PTPRM: variants seen among roughly 807,000 people sequenced by gnomAD.
PTPRM encodes receptor-type tyrosine-protein phosphatase mu.
In PTPRM, 47 loss-of-function variants were observed where a neutral mutation model predicts 186.7. That is an observed-to-expected ratio of 0.25 (90% CI 0.20 to 0.32). The LOEUF (loss-of-function observed/expected upper bound fraction) is 0.32, where lower values mean the gene tolerates loss of function less well. Among genes scored for constraint, PTPRM ranks in the 10% least tolerant of loss-of-function variants. The pLI, the probability that PTPRM is intolerant of heterozygous loss-of-function variation, is 1.00. For missense variants in PTPRM, 1,494 were observed against 1,865.0 expected (o/e 0.80, Z 3.66); for synonymous variants, 668 against 674.9 (o/e 0.99, Z 0.16).
At chr18:7,815,306 T>C (rs2145537644) in intron 2 of PTPRM, 1 of 152,370 alleles carries the variant, frequency 6.6e-6, no homozygotes, top group South Asian at 2.1e-4. Context: ...TCTGCCGCAG[T>C]ACCCGAATAA....
chr18:7,819,786 G>A (rs930996606), intron 2 of PTPRM, among the ~76,000 whole-genome samples: 1 of 152,166 alleles, frequency 6.6e-6, no homozygotes, highest in Non-Finnish European at 1.5e-5. Flanking sequence ...CTGTCTGTCT[G>A]TATGCTCCCC....
chr18:8,196,433 T>A (rs2146777302), intron 14 of PTPRM, among the ~76,000 whole-genome samples: 1 of 152,296 alleles, frequency 6.6e-6, no homozygotes, highest in Middle Eastern at 3.4e-3. Flanking sequence ...TGAAGGAAAG[T>A]GCTATGCCAA....
intron 19 of PTPRM, among the ~76,000 whole-genome samples, chr18:8,288,437 C>A (rs2094982566): frequency 6.6e-6 from 1 of 152,122 alleles, no homozygotes; most frequent in South Asian, 2.1e-4. Flanking sequence ...AAGAGTAGTG[C>A]CGGCCAAGAA....
In PTPRM at chr18:8,289,463, T is replaced by A. The variant is rs2095000378; in HGVS notation, c.2755-6905T>A. 5.4e-5 allele frequency among the ~76,000 whole-genome samples: 4 copies of A among 73,834 alleles called. No individual in the cohort carries two copies. In the South Asian group the frequency reaches 1.6e-3, roughly 29 times the overall value. The allele number at this position is 73,834 out of a possible 152,430, so 48.4% of individuals were successfully genotyped here. A position where few individuals can be genotyped will look rare whatever the true frequency, so the allele number is the denominator to read the frequency against. ...ATATACGTATATATGTATATACATA[T>A]ATATACACACATATGTATATATATA... On this transcript the variant is annotated intron_variant, in intron 19 of 32. Transcript: ENST00000580170.
chr18:7,951,909 A>C (rs2052983612), intron 6 of PTPRM, among the ~76,000 whole-genome samples: 1 of 152,186 alleles, frequency 6.6e-6, no homozygotes, highest in Admixed American at 6.5e-5. Flanking sequence ...GGAGAAACTA[A>C]AGTCCATAGA....
intron 2 of PTPRM, among the ~76,000 whole-genome samples, chr18:7,886,305 AT>A (rs760973483): frequency 6.6e-6 from 1 of 152,200 alleles, no homozygotes; most frequent in Non-Finnish European, 1.5e-5. Context: ...GATTTTTTAC[AT>A]TTGTAAACAG....
Position 7,681,034 on chromosome 18 carries a change from C to A in PTPRM, c.74-93115C>A, listed in dbSNP as rs1362529063. ...TCAAGAGAAATGTGGGTGAACAGTG[C>A]GTAGGTCCTCCTTGAGCCCCTGGGA... On this transcript the variant is annotated intron_variant, in intron 1 of 32. Transcript: ENST00000580170. Among the ~76,000 whole-genome samples, 24 of 152,136 alleles carry A rather than the reference C, an allele frequency of 1.6e-4. 1 individual carries two copies. The highest frequency in any genetic ancestry group is 1.6e-3 in the Admixed American group (24 of 15,276).
chr18:7,652,768 G>C (rs1361578885), intron 1 of PTPRM, among the ~76,000 whole-genome samples: 5 of 115,068 alleles, frequency 4.3e-5, no homozygotes, highest in African/African-American at 1.6e-4. Context: ...TGGGGGGAGG[G>C]GGGAGGGATA....
intron 1 of PTPRM, among the ~76,000 whole-genome samples, chr18:7,754,050 G>GT (rs1357093043): frequency 1.3e-5 from 2 of 152,000 alleles, no homozygotes; most frequent in East Asian, 3.9e-4. Flanking sequence ...TTTTTATTGT[G>GT]TTTTATTTTT....
At chr18:7,870,953 T>C (rs2047954641) in intron 2 of PTPRM, among the ~76,000 whole-genome samples, 1 of 152,228 alleles carries the variant, frequency 6.6e-6, no homozygotes, top group Non-Finnish European at 1.5e-5. Flanking sequence ...GACCTGTTTG[T>C]GTGCAAAGTG....
chr18:8,095,692 C>A (rs75623572), intron 11 of PTPRM, among the ~76,000 whole-genome samples: 12,601 of 151,812 alleles, frequency 0.083, 618 homozygotes, highest in South Asian at 0.12. Flanking sequence ...CTAACCCTGG[C>A]GGCATGGAGG....
intron 14 of PTPRM, among the ~76,000 whole-genome samples, chr18:8,226,092 C>T (rs1404412028): frequency 1.3e-5 from 2 of 151,960 alleles, no homozygotes; most frequent in African/African-American, 2.4e-5. Context: ...ATCTTTTCAC[C>T]CATCAGATTG....
chr18:8,394,646 C>A (rs1439011723), intron 32 of PTPRM, 35 bp downstream of exon 32: 28 of 1,546,322 alleles, frequency 1.8e-5, no homozygotes, highest in Non-Finnish European at 2.4e-5. Flanking sequence ...CCATGAGACA[C>A]CCCATTAGCA....
intron 24 of PTPRM, among the ~76,000 whole-genome samples, chr18:8,373,159 T>C (rs2095673948): frequency 6.6e-6 from 1 of 152,242 alleles, no homozygotes; most frequent in Admixed American, 6.5e-5. Flanking sequence ...AAACAAATCA[T>C]TAGTACTTTT....
intron 1 of PTPRM, among the ~76,000 whole-genome samples, chr18:7,636,970 C>A (rs1733742284): frequency 6.6e-6 from 1 of 151,940 alleles, no homozygotes; most frequent in Non-Finnish European, 1.5e-5. Context: ...GAGTTTGAGA[C>A]CAGCTTGGCC....
intron 1 of PTPRM, among the ~76,000 whole-genome samples, chr18:7,679,433 G>A (rs1047287144): frequency 7.2e-5 from 11 of 152,076 alleles, no homozygotes; most frequent in African/African-American, 2.7e-4. Flanking sequence ...GGGAGGCCGA[G>A]GCAAGTGGAT....
At chr18:8,239,313 C>T (rs2094389885) in intron 14 of PTPRM, among the ~76,000 whole-genome samples, 1 of 151,992 alleles carries the variant, frequency 6.6e-6, no homozygotes, top group Non-Finnish European at 1.5e-5. Context: ...TGTCACATAG[C>T]TTCTCTTAAG....
chr18:8,207,032 T>C (rs148588649), intron 14 of PTPRM, among the ~76,000 whole-genome samples: 5 of 152,312 alleles, frequency 3.3e-5, no homozygotes, highest in African/African-American at 1.2e-4. Flanking sequence ...GGCATGGCTC[T>C]ACCAGCATCT....
At chr18:8,220,863 G>A (rs1385190556) in intron 14 of PTPRM, among the ~76,000 whole-genome samples, 1 of 152,130 alleles carries the variant, frequency 6.6e-6, no homozygotes, top group African/African-American at 2.4e-5. Flanking sequence ...ATGTGCTGAT[G>A]GATGTTATTA....
Sources: gnomAD v4.1 joint callset for allele counts (sites outside exome capture counted in the v4.1 genomes callset) on GRCh38, gnomAD v4.1.1 for gene constraint, MANE v1.5 for transcripts, NCBI Gene and HGNC (gene_info 2026-07-23, HGNC 2026-07-21) for gene names.